NTMT1: variants seen among roughly 807,000 people sequenced by gnomAD.
NTMT1 encodes N-terminal RCC1 methyltransferase.
NTMT1 carries 8 observed loss-of-function variants against 17.5 expected under a neutral mutation model. The observed-to-expected ratio is 0.46, with a 90% CI of 0.27 to 0.82. The LOEUF is 0.82. Ranked by LOEUF, NTMT1 falls within the 40% of genes least tolerant of loss-of-function variation. NTMT1 has a pLI of 0.15. For missense variants in NTMT1, 221 were observed against 303.5 expected, an observed-to-expected ratio of 0.73 and a Z score of 2.02; for synonymous variants, 128 against 126.8, an observed-to-expected ratio of 1.01 and a Z score of -0.06.
upstream of NTMT1, among the ~76,000 whole-genome samples, chr9:129,624,592 T>C (rs1159878719): frequency 6.6e-6 from 1 of 152,216 alleles, no homozygotes; most frequent in Non-Finnish European, 1.5e-5. Flanking sequence ...GCACCTTCTG[T>C]GTGCGTCGCC....
Position 129,635,324 on chromosome 9 carries a change from G to A in NTMT1, c.532G>A (p.Asp178Asn), listed in dbSNP as rs1171383261. ...GGCCCAGGAGGGCGTGATTCTGGAC[G>A]ACGTGGACAGCAGCGTGTGCCGGGA... ...NMAQEGVILD[D>N]VDSSVCRDLD... The change falls in exon 4 of 4, where the codon GAC (aspartate) becomes AAC (asparagine). Residue 178 changes from aspartate (D) to asparagine (N), a missense_variant. Asp to Asn is a conservative substitution (Grantham distance 23). Transcript: ENST00000372483. The A allele has an allele frequency of 1.3e-5, 21 of 1,613,858 alleles. 1 individual carries two copies. Among genetic ancestry groups the A allele is most frequent in the East Asian group, 1.1e-4 (5 of 44,880 alleles).
chr9:129,635,773 G>T lies in NTMT1; in HGVS notation c.*309G>T, dbSNP rs145444758. Reference sequence around the variant, plus strand: ...GAATAGGGTGGCCACATCAGTAACCGATTCCCTGGGCCTCCAGCCCGGCCT... The same window carrying T: ...GAATAGGGTGGCCACATCAGTAACCTATTCCCTGGGCCTCCAGCCCGGCCT... On this transcript the variant is annotated 3_prime_UTR_variant, in exon 4 of 4. Coordinates refer to ENST00000372483, the MANE Select transcript of NTMT1 (RefSeq NM_014064.4). The T allele has an allele frequency of 4.5e-3, 1,306 of 288,116 alleles. 19 individuals are homozygous for T. The highest frequency in any genetic ancestry group is 0.026 in the African/African-American group (1,195 of 45,676). 17.8% of individuals were successfully genotyped at this position (288,116 alleles called of 1,614,324 possible).
rs1355051121 is a variant in NTMT1 at position 129,620,872 on chromosome 9, G to A, written c.-55+11694G>A. On this transcript the variant is annotated intron_variant, in intron 1 of 3. Coordinates refer to the NTMT1 transcript ENST00000372486. The surrounding 1 kb of genome is among the most constrained non-coding windows in gnomAD (Gnocchi z 5.8). ...GAACAGCAAGCTCGGTACAGTGCCAGGCACGCTGGCCAAGCTTACACATAG... is the reference window on the plus strand; with the variant it reads ...GAACAGCAAGCTCGGTACAGTGCCAAGCACGCTGGCCAAGCTTACACATAG... 2 of 326,286 alleles carry A rather than the reference G, an allele frequency of 6.1e-6. No individual in the cohort carries two copies. The highest frequency in any genetic ancestry group is 1.1e-5 in the Non-Finnish European group (2 of 180,632). 20.2% of individuals were successfully genotyped at this position (326,286 alleles called of 1,614,324 possible).
In NTMT1 at chr9:129,612,161, CTG is replaced by C. The variant is rs1183956847; in HGVS notation, c.-55+2987_-55+2988del. ...TCCCCACCCCTCAGCCTCATCCTGG[CTG>C]TGTCTCCATCCCCTTCCTTCCAGGA... On this transcript the variant is annotated intron_variant, in intron 1 of 3. Transcript: ENST00000372486. The C allele has an allele frequency of 2.6e-5, 15 of 586,218 alleles. No individual in the cohort carries two copies. The Admixed American group carries it at 4.2e-4, about 17-fold the overall frequency. 36.3% of individuals were successfully genotyped at this position (586,218 alleles called of 1,614,324 possible).
intron 3 of NTMT1, 179 bp from the exon 4 acceptor site, chr9:129,635,029 T>C (rs1290185513): frequency 5.7e-6 from 4 of 706,572 alleles, no homozygotes; most frequent in Non-Finnish European, 9.3e-6. Context: ...GAGCCACAGT[T>C]TCCTATTCTA....
chr9:129,634,077 G>A lies in NTMT1; in HGVS notation c.186G>A (p.Thr62=), dbSNP rs145974570. The A allele has an allele frequency of 9.0e-5, 146 of 1,614,024 alleles. No individual in the cohort carries two copies. The highest frequency in any genetic ancestry group is 1.2e-4 in the Non-Finnish European group (141 of 1,179,912). Residue 62 remains threonine, a synonymous_variant, in exon 3 of 4, where the codon ACG becomes ACA. Coordinates refer to ENST00000372483, the MANE Select transcript of NTMT1 (RefSeq NM_014064.4). Reference sequence around the variant, plus strand: ...AGGAAGGCCCGAACAAGACAGGAACGTCCTGTGCCCTGGACTGTGGAGCTG... The same window carrying A: ...AGGAAGGCCCGAACAAGACAGGAACATCCTGTGCCCTGGACTGTGGAGCTG... The part of the protein sequence containing the change: ...FLREGPNKTG[T]SCALDCGAGI...
At chr9:129,615,361 G>A in intron 1 of NTMT1, 1 of 1,063,608 alleles carries the variant, frequency 9.4e-7, no homozygotes, top group South Asian at 1.8e-5. Context: ...TCCTCTGCAG[G>A]ATCACTGATC....
chr9:129,633,118 T>C (rs914220816), intron 2 of NTMT1: 6 of 501,840 alleles, frequency 1.2e-5, no homozygotes, highest in African/African-American at 1.2e-4. Context: ...TGGGCAAACC[T>C]CTCTTCAACT....
upstream of NTMT1, among the ~76,000 whole-genome samples, chr9:129,621,841 C>T (rs1416420234): frequency 6.6e-6 from 1 of 152,204 alleles, no homozygotes; most frequent in Non-Finnish European, 1.5e-5. Flanking sequence ...TGGTGGGCTT[C>T]TGGGTGGGGC....
chr9:129,622,856 C>T (rs1359719165), upstream of NTMT1, among the ~76,000 whole-genome samples: 2 of 152,012 alleles, frequency 1.3e-5, no homozygotes, highest in African/African-American at 4.8e-5. Context: ...GGTGAAACCC[C>T]GTCTCTACTA....
intron 1 of NTMT1, among the ~76,000 whole-genome samples, chr9:129,610,165 C>T (rs538636660): frequency 7.1e-6 from 1 of 139,886 alleles, no homozygotes; most frequent in East Asian, 2.3e-4. Context: ...ATCCCGGGGC[C>T]TTGCGGGCCG....
chr9:129,632,334 C>T (rs1214771422), intron 1 of NTMT1, among the ~76,000 whole-genome samples: 2 of 152,178 alleles, frequency 1.3e-5, no homozygotes, highest in African/African-American at 4.8e-5. Context: ...GTCCTAGCTG[C>T]TCCGGAGGGT....
intron 1 of NTMT1, among the ~76,000 whole-genome samples, chr9:129,618,868 G>GTTTTTTTTT (rs34259203): frequency 7.8e-6 from 1 of 128,302 alleles, no homozygotes; most frequent in African/African-American, 2.9e-5. Flanking sequence ...AATTTTTTGT[G>GTTTTTTTTT]TTTTTTTTTT....
At chr9:129,633,892 G>A (rs548085877) in intron 2 of NTMT1, among the ~76,000 whole-genome samples, 162 bp from the exon 3 acceptor site, 1 of 152,246 alleles carries the variant, frequency 6.6e-6, no homozygotes, top group African/African-American at 2.4e-5. Flanking sequence ...TCATCCCCTC[G>A]ACTCCGTACA....
intron 1 of NTMT1, chr9:129,619,382 C>G (rs952645966): frequency 1.6e-5 from 11 of 687,296 alleles, no homozygotes; most frequent in East Asian, 2.5e-5. Flanking sequence ...ATCTGATTCA[C>G]GGACAGCCAT....
intron 1 of NTMT1, among the ~76,000 whole-genome samples, chr9:129,629,407 T>TTA (rs1831040500): frequency 1.3e-5 from 2 of 151,684 alleles, no homozygotes; most frequent in Admixed American, 1.3e-4. Context: ...TCTTCTTTTT[T>TTA]TGACACAATG....
At chr9:129,623,666 G>A (rs893463881), upstream of NTMT1, among the ~76,000 whole-genome samples, 19 of 152,244 alleles carry the variant, frequency 1.2e-4, no homozygotes, top group Non-Finnish European at 2.5e-4. Context: ...TCTATTTTCT[G>A]TCAATGCTTC....
chr9:129,632,696 G>A lies in NTMT1; in HGVS notation c.-8G>A. The A allele has an allele frequency of 6.2e-7, 1 of 1,613,892 alleles. No individual in the cohort carries two copies. The highest frequency in any genetic ancestry group is 2.2e-5 in the East Asian group (1 of 44,876). On this transcript the variant is annotated 5_prime_UTR_variant, in exon 2 of 4. The change creates a new upstream start codon in the 5' untranslated region. Transcript: ENST00000372483. ...TGGTGCTTGAGTAGAGCCGTGGTTG[G>A]TGACAGCATGACGAGCGAGGTGATA...
chr9:129,633,893 A>G (rs371351708), intron 2 of NTMT1, among the ~76,000 whole-genome samples, 161 bp from the exon 3 acceptor site: 3 of 151,838 alleles, frequency 2.0e-5, no homozygotes, highest in Non-Finnish European at 4.4e-5. Flanking sequence ...CATCCCCTCG[A>G]CTCCGTACAA....
Sources: allele counts gnomAD v4.1 joint callset (sites outside exome capture counted in the v4.1 genomes callset), GRCh38; gene constraint gnomAD v4.1.1; non-coding constraint Gnocchi (gnomAD v3.1); transcripts MANE v1.5; gene names NCBI Gene and HGNC (gene_info 2026-07-23, HGNC 2026-07-21).